The following DENND3 variants were observed in gnomAD, a reference collection of about 807,000 sequenced individuals.
DENND3 encodes DENN domain containing 3.
Under a neutral mutation model 135.1 loss-of-function variants are expected in DENND3, and 88 were observed. That is an observed-to-expected ratio of 0.65 (90% CI 0.55 to 0.78). The LOEUF is 0.78. DENND3 is among the 30% of genes least tolerant of loss of function. The pLI is 0.00. For synonymous variants in DENND3, 693 were observed against 712.3 expected, an observed-to-expected ratio of 0.97 and a Z score of 0.43; for missense variants, 1,392 against 1,688.4, an observed-to-expected ratio of 0.82 and a Z score of 3.08.
rs750351841 is a variant in DENND3 at position 141,188,946 on chromosome 8, AGACT to A, written c.3085-33_3085-30del. On this transcript the variant is annotated intron_variant, in intron 18 of 22. Coordinates refer to ENST00000519811, the MANE Select transcript of DENND3 (RefSeq NM_001352890.3). ...ATAGAATATGACTTCACCAGTATCG[AGACT>A]GACTGATTTCTCACGTTCCCGTGGC... 256 of 1,604,046 alleles carry A rather than the reference AGACT, an allele frequency of 1.6e-4. 1 individual carries two copies. The highest frequency in any genetic ancestry group is 4.4e-5 in the South Asian group (4 of 90,042).
intron 4 of DENND3, chr8:141,142,308 G>A (rs774652818): frequency 1.6e-5 from 7 of 448,108 alleles, no homozygotes; most frequent in Non-Finnish European, 2.2e-5. Context: ...AGGCCGAGGA[G>A]AAAGCAGTTA....
rs1490090805 is a variant in DENND3 at position 141,130,316 on chromosome 8, C to T, written c.102+1507C>T. Among the ~76,000 whole-genome samples, 6 of 152,252 alleles carry T rather than the reference C, an allele frequency of 3.9e-5. No individual in the cohort carries two copies. Among genetic ancestry groups the T allele is most frequent in the South Asian group, 2.1e-4 (1 of 4,824 alleles). ...AATTCCTGAGCTCAAGTGATCCTCC[C>T]GCCTCAGCCTTTCAAAGTGCTGGGA... On this transcript the variant is annotated intron_variant, in intron 1 of 22. Coordinates refer to ENST00000519811, the MANE Select transcript of DENND3 (RefSeq NM_001352890.3). The surrounding 1 kb of genome is among the most constrained non-coding windows in gnomAD (Gnocchi z 4.2).
Position 141,138,258 on chromosome 8 carries a change from G to A in DENND3, c.501+121G>A. 9.5e-7 allele frequency: 1 copy of A among 1,051,912 alleles called. No homozygotes were observed. The highest frequency in any genetic ancestry group is 1.5e-5 in the South Asian group (1 of 64,700). 65.2% of individuals were successfully genotyped at this position (1,051,912 alleles called of 1,614,324 possible). ...AAAGTGTGCAGTTCCGTAACATTAA[G>A]TACATTCACAGCATTGTGCAACCAC... is the stretch of plus-strand genomic sequence containing the variant. On this transcript the variant is annotated intron_variant, in intron 3 of 22. Coordinates refer to ENST00000519811, the MANE Select transcript of DENND3 (RefSeq NM_001352890.3). This position sits in a 1 kb window ranked among gnomAD's most constrained non-coding sequence, Gnocchi z 4.8.
At chr8:141,134,922 C>T (rs1173440598) in intron 1 of DENND3, among the ~76,000 whole-genome samples, 1 of 151,068 alleles carries the variant, frequency 6.6e-6, no homozygotes, top group Non-Finnish European at 1.5e-5. Flanking sequence ...GCTCCGCCTC[C>T]TGGGTTCATG....
chr8:141,180,312 G>A (rs1175226268), intron 16 of DENND3, among the ~76,000 whole-genome samples: 1 of 152,224 alleles, frequency 6.6e-6, no homozygotes, highest in African/African-American at 2.4e-5. Flanking sequence ...CTGGGAAACC[G>A]CGCTCATGGG....
rs1218694217 is a variant in DENND3 at position 141,166,354 on chromosome 8, T to A, written c.1718T>A (p.Leu573Gln). The A allele has an allele frequency of 1.9e-6, 3 of 1,613,220 alleles. No individual in the cohort carries two copies. The highest frequency in any genetic ancestry group is 8.5e-7 in the Non-Finnish European group (1 of 1,179,998). The change falls in exon 12 of 23, where the codon CTG becomes CAG. Residue 573 changes from leucine to glutamine, a missense_variant. Transcript: ENST00000519811. This position sits in a 1 kb window ranked among gnomAD's most constrained non-coding sequence, Gnocchi z 4.3. ...GCACCCAGGAACTCCTCGCTCCGGC[T>A]GACGGACACCGCAGGCTGTAGGGGC... ...ELAPRNSSLRLTDTAGCRGSS... is the reference protein window; with the variant it reads ...ELAPRNSSLRQTDTAGCRGSS...
At chr8:141,142,368 T>C (rs1018052849) in intron 4 of DENND3, 17 of 456,800 alleles carry the variant, frequency 3.7e-5, no homozygotes, top group Admixed American at 1.6e-4. Flanking sequence ...CCACGGCAAA[T>C]CGCTGAATTG....
At chr8:141,157,510 C>T (rs1207296779) in intron 8 of DENND3, 20 of 985,634 alleles carry the variant, frequency 2.0e-5, no homozygotes, top group East Asian at 1.1e-4. Flanking sequence ...GGGAGGGGAG[C>T]GCTTAGGCTT....
intron 8 of DENND3, chr8:141,158,344 G>GCA: frequency 8.2e-7 from 1 of 1,226,712 alleles, no homozygotes; most frequent in Non-Finnish European, 1.0e-6. Flanking sequence ...ATAGAACTGA[G>GCA]CTTTGTGAGA....
In DENND3 at chr8:141,175,636, C is replaced by G. The variant is rs761569258; in HGVS notation, c.2535+177C>G. ...CTGTAAAGTAGGAATAAGGCTGATA[C>G]CTTCTCAGTGGGTGGTGGAGATTGA... On this transcript the variant is annotated intron_variant, in intron 14 of 22. Transcript: ENST00000519811. The surrounding 1 kb of genome is among the most constrained non-coding windows in gnomAD (Gnocchi z 5.4). 4.5e-6 allele frequency: 4 copies of G among 879,512 alleles called. No individual in the cohort carries two copies. The South Asian group carries it at 5.7e-5, about 13-fold the overall frequency. The allele number at this position is 879,512 out of a possible 1,614,324, so 54.5% of individuals were successfully genotyped here.
At chr8:141,190,540 C>T (rs914354239) in intron 20 of DENND3, 123 bp downstream of exon 20, 36 of 1,370,222 alleles carry the variant, frequency 2.6e-5, no homozygotes, top group Middle Eastern at 2.6e-4. Context: ...ATTTTAAACT[C>T]GGGTTCCCTT....
chr8:141,184,052 G>A (rs1823558305), intron 17 of DENND3, among the ~76,000 whole-genome samples: 1 of 152,194 alleles, frequency 6.6e-6, no homozygotes, highest in Admixed American at 6.5e-5. Flanking sequence ...TGCTTCTTGG[G>A]CTGTCTCAGA....
chr8:141,162,290 T>A (rs112243246), intron 9 of DENND3, among the ~76,000 whole-genome samples: 45 of 152,340 alleles, frequency 3.0e-4, no homozygotes, highest in African/African-American at 5.5e-4. Flanking sequence ...AATTTTTTTT[T>A]AATTTCTTAA....
rs1452482926 is a variant in DENND3 at position 141,168,204 on chromosome 8, C to A, written c.1954C>A (p.Gln652Lys). 6.2e-7 allele frequency: 1 copy of A among 1,614,204 alleles called. No homozygotes were observed. The highest frequency in any genetic ancestry group is 2.2e-5 in the East Asian group (1 of 44,878). ...LRGLVYLMQG[Q>K]LLNALLDFQN... Reference sequence around the variant, plus strand: ...AGGGCTCGTTTATCTGATGCAGGGACAGCTGCTGAACGCCCTCTTGGACTT... The same window carrying A: ...AGGGCTCGTTTATCTGATGCAGGGAAAGCTGCTGAACGCCCTCTTGGACTT... The change falls in exon 13 of 23, where the codon CAG (glutamine) becomes AAG (lysine). Residue 652 changes from glutamine (Q) to lysine (K), a missense_variant. Coordinates refer to ENST00000519811, the MANE Select transcript of DENND3 (RefSeq NM_001352890.3). This position sits in a 1 kb window ranked among gnomAD's most constrained non-coding sequence, Gnocchi z 6.2.
rs1278127033 is a variant in DENND3 at position 141,138,983 on chromosome 8, A to G, written c.501+846A>G. On this transcript the variant is annotated intron_variant, in intron 3 of 22. Transcript: ENST00000519811. The surrounding 1 kb of genome is among the most constrained non-coding windows in gnomAD (Gnocchi z 4.8). The stretch of plus-strand genomic sequence containing the variant: ...TTACAACACATTACATCTGTCACAC[A>G]TATTGGGAGTGTTGTCTGGGTAGGG... 6.6e-6 allele frequency among the ~76,000 whole-genome samples: 1 copy of G among 152,202 alleles called. No homozygotes were observed. The highest frequency in any genetic ancestry group is 6.5e-5 in the Admixed American group (1 of 15,278).
Position 141,166,572 on chromosome 8 carries a change from G to A in DENND3, c.1753+183G>A, listed in dbSNP as rs80212338. ...TATGCCTTCTAGAAAATTATTTCTC[G>A]TCTGTATTTTCTGCCACCCAGTGTC... On this transcript the variant is annotated intron_variant, in intron 12 of 22. Coordinates refer to ENST00000519811, the MANE Select transcript of DENND3 (RefSeq NM_001352890.3). This position sits in a 1 kb window ranked among gnomAD's most constrained non-coding sequence, Gnocchi z 4.3. Among the ~76,000 whole-genome samples the A allele has an allele frequency of 1.1e-3, 174 of 152,334 alleles. No individual in the cohort carries two copies. Among genetic ancestry groups the A allele is most frequent in the African/African-American group, 3.8e-3 (159 of 41,568 alleles).
chr8:141,134,423 G>A (rs1275249333), intron 1 of DENND3, among the ~76,000 whole-genome samples: 2 of 151,172 alleles, frequency 1.3e-5, no homozygotes, highest in Non-Finnish European at 3.0e-5. Context: ...GCCTCTCCGA[G>A]TAGCTGGGAC....
rs1385539590 is a variant in DENND3, at chr8:141,130,287, C to G, written c.102+1478C>G. On this transcript the variant is annotated intron_variant, in intron 1 of 22. Coordinates refer to ENST00000519811, the MANE Select transcript of DENND3 (RefSeq NM_001352890.3). This position sits in a 1 kb window ranked among gnomAD's most constrained non-coding sequence, Gnocchi z 4.2. The stretch of plus-strand genomic sequence containing the variant: ...GTCTCACTGTGTTGCCCAGACTCAT[C>G]TCCAATTCCTGAGCTCAAGTGATCC... 6.6e-6 allele frequency among the ~76,000 whole-genome samples: 1 copy of G among 152,136 alleles called. No homozygotes were observed. Among genetic ancestry groups the G allele is most frequent in the Non-Finnish European group, 1.5e-5 (1 of 68,030 alleles).
In DENND3 at chr8:141,141,050, TC is replaced by T. The variant is rs1473235584; in HGVS notation, c.502-152del. Among the ~76,000 whole-genome samples the T allele has an allele frequency of 1.3e-5, 2 of 152,242 alleles. No homozygotes were observed. Among genetic ancestry groups the T allele is most frequent in the Non-Finnish European group, 2.9e-5 (2 of 68,040 alleles). On this transcript the variant is annotated intron_variant, in intron 3 of 22. Transcript: ENST00000519811. This position sits in a 1 kb window ranked among gnomAD's most constrained non-coding sequence, Gnocchi z 5.3. ...GCACCAAATAGGGACCCCGTAGACT[TC>T]GACCGGAGGGCCGGTGCTGGCTTGG... is the stretch of plus-strand genomic sequence containing the variant.
Sources: allele counts gnomAD v4.1 joint callset (sites outside exome capture counted in the v4.1 genomes callset), GRCh38; gene constraint gnomAD v4.1.1; non-coding constraint Gnocchi (gnomAD v3.1); transcripts MANE v1.5; gene names NCBI Gene and HGNC (gene_info 2026-07-23, HGNC 2026-07-21).